The following GRB2 variants were observed in gnomAD, a reference collection of about 807,000 sequenced individuals.
GRB2 encodes growth factor receptor-bound protein 2.
GRB2 carries 2 observed loss-of-function variants against 27.4 expected under a neutral mutation model. That is an observed-to-expected ratio of 0.07 (90% confidence interval 0.03 to 0.23). The LOEUF (loss-of-function observed/expected upper bound fraction) is 0.23, where lower values mean the gene tolerates loss of function less well. Ranked by LOEUF, GRB2 falls within the 10% of genes least tolerant of loss-of-function variation. The probability of loss-of-function intolerance (pLI) is 1.00; values close to 1 mark genes in which losing one functional copy is unlikely to be tolerated. For missense variants in GRB2, 102 were observed against 282.4 expected (o/e 0.36, Z 4.58); for synonymous variants, 94 against 99.6 (o/e 0.94, Z 0.33).
At chr17:75,322,457 C>A (rs142860679) in intron 4 of GRB2, among the ~76,000 whole-genome samples, 55 of 151,106 alleles carry the variant, frequency 3.6e-4, no homozygotes, top group African/African-American at 1.3e-3. Flanking sequence ...TGTGACTTAA[C>A]ATCCTTTGAA....
intron 2 of GRB2, among the ~76,000 whole-genome samples, chr17:75,392,678 C>G (rs1437450677): frequency 6.6e-6 from 1 of 152,178 alleles, no homozygotes; most frequent in Non-Finnish European, 1.5e-5. Context: ...AACACTCAAA[C>G]ATGAAGCTTC....
rs3180472 is a variant in GRB2 at position 75,318,077 on chromosome 17, G to A, written c.*2291C>T. ...GCAAGGGGAAAAAAAGATACCAAGT[G>A]AAGAATTCATTGTGTATTTATTATT... On this transcript the variant is annotated 3_prime_UTR_variant, in exon 6 of 6. Transcript: ENST00000316804. 1 of 152,602 alleles carries A rather than the reference G, an allele frequency of 6.6e-6. No homozygotes were observed. Among genetic ancestry groups the A allele is most frequent in the Admixed American group, 6.5e-5 (1 of 15,272 alleles). 9.5% of individuals were successfully genotyped at this position (152,602 alleles called of 1,614,324 possible).
chr17:75,337,604 T>C (rs1323676929), intron 2 of GRB2, among the ~76,000 whole-genome samples: 1 of 148,624 alleles, frequency 6.7e-6, no homozygotes, highest in Non-Finnish European at 1.5e-5. Flanking sequence ...GGAGTCTCGC[T>C]CTGTCGCCCA....
chr17:75,388,587 G>GA (rs2078979547), intron 2 of GRB2, among the ~76,000 whole-genome samples: 1 of 146,514 alleles, frequency 6.8e-6, no homozygotes, highest in South Asian at 2.3e-4. Flanking sequence ...AAATAGTGGG[G>GA]GGGGGGAAGA....
At chr17:75,378,186 T>TC (rs1409120974) in intron 2 of GRB2, among the ~76,000 whole-genome samples, 2 of 152,094 alleles carry the variant, frequency 1.3e-5, no homozygotes, top group African/African-American at 4.8e-5. Flanking sequence ...AGTCAGGAGT[T>TC]CGAGACCAGC....
chr17:75,326,532 G>A (rs1030001117), intron 3 of GRB2, among the ~76,000 whole-genome samples: 7 of 152,232 alleles, frequency 4.6e-5, no homozygotes, highest in South Asian at 4.1e-4. Flanking sequence ...AAAGGCAAAA[G>A]GTTCAGATAG....
intron 2 of GRB2, among the ~76,000 whole-genome samples, chr17:75,354,264 TG>T (rs755108476): frequency 0.021 from 808 of 38,252 alleles, 36 homozygotes; most frequent in African/African-American, 0.054. Context: ...TCTTTTTTTT[TG>T]GGGGGGGGGG....
chr17:75,365,023 ACTT>A (rs1326571203), intron 2 of GRB2, among the ~76,000 whole-genome samples: 1 of 152,244 alleles, frequency 6.6e-6, no homozygotes. Flanking sequence ...TAACACCCAA[ACTT>A]CTAATGGCAG....
At chr17:75,384,967 G>A (rs530388309) in intron 2 of GRB2, among the ~76,000 whole-genome samples, 2 of 147,120 alleles carry the variant, frequency 1.4e-5, no homozygotes, top group Admixed American at 6.8e-5. Context: ...GGAGGCAGGC[G>A]GATCGCTTGA....
At chr17:75,385,298 A>G (rs947559023) in intron 2 of GRB2, among the ~76,000 whole-genome samples, 4 of 152,136 alleles carry the variant, frequency 2.6e-5, no homozygotes, top group Non-Finnish European at 5.9e-5. Flanking sequence ...ACACTTTGGG[A>G]GGCTGAGGCA....
At chr17:75,375,712 T>C (rs2078888161) in intron 2 of GRB2, among the ~76,000 whole-genome samples, 1 of 151,910 alleles carries the variant, frequency 6.6e-6, no homozygotes, top group Non-Finnish European at 1.5e-5. Flanking sequence ...TGAAACCTCG[T>C]CTCTACAAAT....
intron 2 of GRB2, among the ~76,000 whole-genome samples, chr17:75,341,680 C>T (rs879432939): frequency 6.6e-6 from 1 of 152,034 alleles, no homozygotes; most frequent in South Asian, 2.1e-4. Context: ...TTATACTTCC[C>T]TCTGCCTATG....
intron 2 of GRB2, among the ~76,000 whole-genome samples, chr17:75,351,414 T>C (rs1182272663): frequency 6.6e-6 from 1 of 152,062 alleles, no homozygotes; most frequent in Non-Finnish European, 1.5e-5. Flanking sequence ...TTTGAGAGGC[T>C]GAGGCGGAAG....
chr17:75,342,441 T>C (rs2078627447), intron 2 of GRB2, among the ~76,000 whole-genome samples: 1 of 152,118 alleles, frequency 6.6e-6, no homozygotes, highest in African/African-American at 2.4e-5. Flanking sequence ...TCTTCTTTTT[T>C]AATAAAAAAT....
chr17:75,375,101 TCTCA>T (rs2078883999), intron 2 of GRB2, among the ~76,000 whole-genome samples: 1 of 148,068 alleles, frequency 6.8e-6, no homozygotes, highest in Non-Finnish European at 1.5e-5. Context: ...GACGGGGGGG[TCTCA>T]CTGTGTTGCC....
chr17:75,327,649 G>T (rs561189842), intron 3 of GRB2, among the ~76,000 whole-genome samples: 1 of 150,066 alleles, frequency 6.7e-6, no homozygotes, highest in Admixed American at 6.6e-5. Flanking sequence ...GATTAAAGTC[G>T]CGAGCCACCA....
intron 2 of GRB2, among the ~76,000 whole-genome samples, chr17:75,369,585 T>C (rs1426732404): frequency 2.0e-5 from 3 of 151,304 alleles, no homozygotes; most frequent in African/African-American, 7.3e-5. Flanking sequence ...CCAGGCGCAG[T>C]AGCTTACACC....
chr17:75,383,664 A>AT (rs2078944226), intron 2 of GRB2, among the ~76,000 whole-genome samples: 1 of 152,068 alleles, frequency 6.6e-6, no homozygotes, highest in Admixed American at 6.6e-5. Flanking sequence ...CAATATGGTG[A>AT]AAGCCCGTCT....
intron 1 of GRB2, among the ~76,000 whole-genome samples, chr17:75,396,891 T>C (rs2079032080): frequency 6.6e-6 from 1 of 152,236 alleles, no homozygotes; most frequent in African/African-American, 2.4e-5. Flanking sequence ...GCCCTGTCAC[T>C]TTCAAGGTGC....
Sources: allele counts gnomAD v4.1 joint callset (sites outside exome capture counted in the v4.1 genomes callset), GRCh38; gene constraint gnomAD v4.1.1; transcripts MANE v1.5; gene names NCBI Gene and HGNC (gene_info 2026-07-23, HGNC 2026-07-21).